The following ASIC2 variants were observed in gnomAD, a reference collection of about 807,000 sequenced individuals.
The protein encoded by ASIC2 is acid-sensing ion channel 2.
In ASIC2, 25 loss-of-function variants were observed where a neutral mutation model predicts 57.3. The ratio of observed to expected loss-of-function variants is 0.44; its 90% confidence interval spans 0.32 to 0.61. The LOEUF (loss-of-function observed/expected upper bound fraction) is 0.61, where lower values mean the gene tolerates loss of function less well. Among genes scored for constraint, ASIC2 ranks in the 20% least tolerant of loss-of-function variants. The pLI is 0.06. For synonymous variants in ASIC2, 319 were observed against 307.5 expected (o/e 1.04, Z -0.39); for missense variants, 641 against 738.1 (o/e 0.87, Z 1.52).
At chr17:33,986,479 C>A (rs138065084) in intron 1 of ASIC2, among the ~76,000 whole-genome samples, 12 of 152,078 alleles carry the variant, frequency 7.9e-5, no homozygotes, top group Non-Finnish European at 1.3e-4. Flanking sequence ...GAGAATCCAG[C>A]CTTCATTCAT....
intron 1 of ASIC2, among the ~76,000 whole-genome samples, chr17:33,973,966 C>A (rs184086980): frequency 5.1e-4 from 77 of 152,240 alleles, no homozygotes; most frequent in Non-Finnish European, 1.0e-4. Context: ...CCCACCTGGT[C>A]CAGGGGAAGG....
chr17:33,858,531 C>A (rs1273291853), intron 1 of ASIC2, among the ~76,000 whole-genome samples: 1 of 152,220 alleles, frequency 6.6e-6, no homozygotes, highest in African/African-American at 2.4e-5. Context: ...ACAGCTGATT[C>A]ATCTTCAGGA....
chr17:33,964,886 C>G (rs1217660495), intron 1 of ASIC2, among the ~76,000 whole-genome samples: 1 of 152,196 alleles, frequency 6.6e-6, no homozygotes, highest in African/African-American at 2.4e-5. Context: ...CTGTTCTTCT[C>G]TTGACCTCAG....
At chr17:33,459,417 A>G (rs1050786537) in intron 1 of ASIC2, among the ~76,000 whole-genome samples, 4 of 152,178 alleles carry the variant, frequency 2.6e-5, no homozygotes, top group African/African-American at 9.7e-5. Context: ...ACAGCAATAC[A>G]TTCAAACAGA....
intron 1 of ASIC2, among the ~76,000 whole-genome samples, chr17:33,261,069 C>T (rs1486899732): frequency 6.6e-6 from 1 of 152,194 alleles, no homozygotes; most frequent in Non-Finnish European, 1.5e-5. Context: ...TCCCAGTGTG[C>T]CTGTCCTAAC....
At chr17:33,380,267 A>C (rs1198413418) in intron 1 of ASIC2, among the ~76,000 whole-genome samples, 2 of 146,816 alleles carry the variant, frequency 1.4e-5, no homozygotes, top group Admixed American at 1.4e-4. Context: ...AAAAAAAAAA[A>C]AGAAAGAAAG....
intron 1 of ASIC2, among the ~76,000 whole-genome samples, chr17:33,970,604 C>A (rs534117501): frequency 5.3e-5 from 8 of 152,290 alleles, no homozygotes; most frequent in Non-Finnish European, 1.0e-4. Context: ...GTCCCAGAGG[C>A]CAAGGAGGAG....
intron 1 of ASIC2, among the ~76,000 whole-genome samples, chr17:34,072,974 G>A (rs1909478457): frequency 6.6e-6 from 1 of 152,122 alleles, no homozygotes; most frequent in Non-Finnish European, 1.5e-5. Context: ...TAGAGTCAAT[G>A]AGAAAAAATA....
At chr17:33,946,345 C>T (rs913240599) in intron 1 of ASIC2, among the ~76,000 whole-genome samples, 1 of 152,272 alleles carries the variant, frequency 6.6e-6, no homozygotes. Context: ...GGAGGGAAAT[C>T]ACAGTGCCCT....
At chr17:33,927,402 C>T (rs528709821) in intron 1 of ASIC2, among the ~76,000 whole-genome samples, 1 of 152,240 alleles carries the variant, frequency 6.6e-6, no homozygotes, top group East Asian at 1.9e-4. Context: ...AGTGAATAAG[C>T]CATGAGGGTT....
intron 7 of ASIC2, among the ~76,000 whole-genome samples, chr17:33,018,363 T>A (rs1157378947): frequency 6.6e-6 from 1 of 152,230 alleles, no homozygotes; most frequent in Non-Finnish European, 1.5e-5. Flanking sequence ...AATCAGAGCC[T>A]CTGCGGTTGG....
chr17:33,423,605 C>T (rs896190565), intron 1 of ASIC2, among the ~76,000 whole-genome samples: 1 of 152,140 alleles, frequency 6.6e-6, no homozygotes, highest in Non-Finnish European at 1.5e-5. Context: ...TTCCTTAGCC[C>T]CTACTCTACT....
chr17:33,050,009 G>C lies in ASIC2; in HGVS notation c.988-21617C>G, dbSNP rs969576019. Among the ~76,000 whole-genome samples the C allele has an allele frequency of 3.3e-5, 5 of 152,132 alleles. 1 individual carries two copies. The East Asian group carries it at 9.7e-4, about 29-fold the overall frequency. ...TGCCTCCTAGTGGTCCCAAGGATCA[G>C]GGCAAGGCTTTTTGAACCAGATGGG... On this transcript the variant is annotated intron_variant, in intron 3 of 9. Transcript: ENST00000225823.
At chr17:34,008,060 C>T (rs1044050628) in intron 1 of ASIC2, among the ~76,000 whole-genome samples, 2 of 152,162 alleles carry the variant, frequency 1.3e-5, no homozygotes, top group Non-Finnish European at 2.9e-5. Context: ...GGCTCATGTG[C>T]GTATGTACAG....
chr17:33,724,037 A>G (rs915162265), intron 1 of ASIC2, among the ~76,000 whole-genome samples: 1 of 152,148 alleles, frequency 6.6e-6, no homozygotes, highest in Non-Finnish European at 1.5e-5. Context: ...GGAGGGACTC[A>G]GTGGGAGATA....
chr17:33,576,962 G>A lies in ASIC2; in HGVS notation c.556-464895C>T, dbSNP rs184147166. Among the ~76,000 whole-genome samples, 395 of 152,252 alleles carry A rather than the reference G, an allele frequency of 2.6e-3. 1 individual carries two copies. Among genetic ancestry groups the A allele is most frequent in the Middle Eastern group, 6.8e-3 (2 of 294 alleles). ...TTATATGCATTAATATGTGTAATGC[G>A]CTCAAAATAGGGCCTGACATATAGT... is the stretch of plus-strand genomic sequence containing the variant. On this transcript the variant is annotated intron_variant, in intron 1 of 9. Coordinates refer to the ASIC2 transcript ENST00000359872.
intron 1 of ASIC2, chr17:33,627,373 C>A (rs1216443138): frequency 2.6e-5 from 4 of 152,252 alleles, no homozygotes; most frequent in Admixed American, 1.3e-4. Flanking sequence ...ATTCCTTTAT[C>A]TTTGATGCCC....
intron 1 of ASIC2, among the ~76,000 whole-genome samples, chr17:33,339,761 C>T (rs1907655262): frequency 6.6e-6 from 1 of 152,206 alleles, no homozygotes; most frequent in Admixed American, 6.5e-5. Flanking sequence ...TAACTCCTGA[C>T]ATCCCAGGAA....
chr17:33,053,947 G>T (rs180839794), intron 3 of ASIC2, among the ~76,000 whole-genome samples: 1 of 152,216 alleles, frequency 6.6e-6, no homozygotes, highest in East Asian at 1.9e-4. Context: ...TTAATACTTA[G>T]CCATCTAACA....
Sources: allele counts gnomAD v4.1 joint callset (sites outside exome capture counted in the v4.1 genomes callset), GRCh38; gene constraint gnomAD v4.1.1; transcripts MANE v1.5; gene names NCBI Gene and HGNC (gene_info 2026-07-23, HGNC 2026-07-21).